FAM83F: variants seen among roughly 807,000 people sequenced by gnomAD.
FAM83F encodes protein FAM83F.
FAM83F carries 45 observed loss-of-function variants against 42.9 expected under a neutral mutation model. The ratio of observed to expected loss-of-function variants is 1.05; its 90% CI spans 0.83 to 1.35. The LOEUF (loss-of-function observed/expected upper bound fraction) is 1.35, where lower values mean the gene tolerates loss of function less well. Among genes scored for constraint, FAM83F ranks in the 40% most tolerant of loss-of-function variants. The pLI is 0.00. For missense variants in FAM83F, 617 were observed against 695.9 expected, an observed-to-expected ratio of 0.89 and a Z score of 1.28; for synonymous variants, 306 against 298.3, an observed-to-expected ratio of 1.03 and a Z score of -0.27.
rs962391508 is a variant in FAM83F, at chr22:40,041,284, G to A, written c.*11719G>A. 6.6e-6 allele frequency: 1 copy of A among 152,142 alleles called. No individual in the cohort carries two copies. The highest frequency in any genetic ancestry group is 2.4e-5 in the African/African-American group (1 of 41,424). The allele number at this position is 152,142 out of a possible 1,614,324, so 9.4% of individuals were successfully genotyped here. A position where few individuals can be genotyped will look rare whatever the true frequency, so the allele number is the denominator to read the frequency against. On this transcript the variant is annotated 3_prime_UTR_variant, in exon 5 of 5. Coordinates refer to ENST00000333407, the MANE Select transcript of FAM83F (RefSeq NM_138435.4). ...ACGAGTCTTTTTACTCTGAAAGCTG[G>A]GTGGGTTGGAACAAACAAACAGAAA...
rs138973979 is a variant in FAM83F, at chr22:40,021,600, G to A, written c.1090G>A (p.Gly364Ser). Reference protein sequence around the residue: ...NPEGQEEGASGGESAWRLESF... With the variant: ...NPEGQEEGASSGESAWRLESF... ...GGAGGGGCAGGAGGAGGGCGCCAGCGGTGGCGAGTCGGCCTGGCGCCTGGA... is the reference window on the plus strand; with the variant it reads ...GGAGGGGCAGGAGGAGGGCGCCAGCAGTGGCGAGTCGGCCTGGCGCCTGGA... The change falls in exon 4 of 5, where the codon GGT (glycine) becomes AGT (serine). Residue 364 changes from glycine (G) to serine (S), a missense_variant. Physicochemically the swap from Gly to Ser is moderately conservative, Grantham distance 56 (BLOSUM62 0). Transcript: ENST00000333407. The surrounding 1 kb of genome is among the most constrained non-coding windows in gnomAD (Gnocchi z 8.7). 8.2e-4 allele frequency: 1,293 copies of A among 1,580,060 alleles called. 2 individuals carry two copies. The highest frequency in any genetic ancestry group is 9.6e-4 in the Non-Finnish European group (1,108 of 1,158,034).
intron 4 of FAM83F, among the ~76,000 whole-genome samples, chr22:40,029,090 TG>T (rs2067572213): frequency 8.2e-6 from 1 of 121,308 alleles, no homozygotes; most frequent in Admixed American, 8.7e-5. Context: ...CGTGTGTGTG[TG>T]TGTGTGTGTG....
intron 4 of FAM83F, among the ~76,000 whole-genome samples, chr22:40,027,817 C>A (rs1048030144): frequency 2.0e-5 from 3 of 152,204 alleles, no homozygotes; most frequent in Non-Finnish European, 4.4e-5. Context: ...GGCAGCCAGC[C>A]GGGTGGTGTG....
rs1420071687 is a variant in FAM83F, at chr22:40,038,763, A to G, written c.*9198A>G. On this transcript the variant is annotated 3_prime_UTR_variant, in exon 5 of 5. Coordinates refer to ENST00000333407, the MANE Select transcript of FAM83F (RefSeq NM_138435.4). ...TAGGCAGCAGAAACCACATGGACAA[A>G]CTCTCTGCCGGAGAATGGGCATGGC... is the stretch of plus-strand genomic sequence containing the variant. 6.4e-6 allele frequency: 1 copy of G among 155,352 alleles called. No individual in the cohort carries two copies. The highest frequency in any genetic ancestry group is 1.4e-5 in the Non-Finnish European group (1 of 69,518). 9.6% of individuals were successfully genotyped at this position (155,352 alleles called of 1,614,324 possible).
intron 4 of FAM83F, among the ~76,000 whole-genome samples, chr22:40,028,003 G>A (rs1057302270): frequency 6.6e-6 from 1 of 152,250 alleles, no homozygotes; most frequent in Non-Finnish European, 1.5e-5. Flanking sequence ...ACCAGCTGAT[G>A]GGGGGAAATG....
intron 1 of FAM83F, among the ~76,000 whole-genome samples, chr22:40,012,586 A>C (rs1433345329): frequency 6.6e-6 from 1 of 151,674 alleles, no homozygotes; most frequent in Non-Finnish European, 1.5e-5. Context: ...CCTGGCCAAC[A>C]TGGTGAAACC....
intron 1 of FAM83F, among the ~76,000 whole-genome samples, chr22:40,010,292 TG>T (rs2067455932): frequency 1.3e-5 from 2 of 152,040 alleles, no homozygotes; most frequent in Admixed American, 6.5e-5. Context: ...ACGTGCTCAG[TG>T]AAAGACCCAA....
Position 40,039,650 on chromosome 22 carries a change from C to T in FAM83F, c.*10085C>T, listed in dbSNP as rs1431425627. On this transcript the variant is annotated 3_prime_UTR_variant, in exon 5 of 5. Coordinates refer to ENST00000333407, the MANE Select transcript of FAM83F (RefSeq NM_138435.4). ...AGCTTGCTGAGTCCTGCGAGCGTCG[C>T]ACGCCCCCAGAGACAACATAAGGAG... The T allele has an allele frequency of 1.3e-5, 2 of 152,200 alleles. No individual in the cohort carries two copies. The highest frequency in any genetic ancestry group is 1.9e-4 in the East Asian group (1 of 5,200). The allele number at this position is 152,200 out of a possible 1,614,324, so 9.4% of individuals were successfully genotyped here. A position where few individuals can be genotyped will look rare whatever the true frequency, so the allele number is the denominator to read the frequency against.
chr22:39,994,954 G>T lies in FAM83F; in HGVS notation c.-89G>T. ...GGCAGAGCTCGCGGCCAGGTGAGGC[G>T]CCCCGCCCCTCGGCGGCTCCAGGTG... On this transcript the variant is annotated 5_prime_UTR_variant, in exon 1 of 5. Coordinates refer to ENST00000333407, the MANE Select transcript of FAM83F (RefSeq NM_138435.4). The T allele has an allele frequency of 2.6e-6, 3 of 1,150,484 alleles. No individual in the cohort carries two copies. The South Asian group carries it at 1.3e-4, about 49-fold the overall frequency. The allele number at this position is 1,150,484 out of a possible 1,614,324, so 71.3% of individuals were successfully genotyped here.
intron 4 of FAM83F, among the ~76,000 whole-genome samples, chr22:40,025,317 G>A (rs1283254671): frequency 1.3e-5 from 2 of 152,144 alleles, no homozygotes; most frequent in Admixed American, 1.3e-4. Flanking sequence ...TACTTGGGAG[G>A]TGGAGGCAGG....
chr22:40,015,456 C>A (rs1410788901), intron 1 of FAM83F, among the ~76,000 whole-genome samples: 1 of 152,170 alleles, frequency 6.6e-6, no homozygotes, highest in African/African-American at 2.4e-5. Flanking sequence ...TGGCACGGTC[C>A]CTTTGTTTGT....
chr22:39,995,423 T>C lies in FAM83F; in HGVS notation c.381T>C (p.Gly127=), dbSNP rs1314111260. 3.2e-6 allele frequency: 5 copies of C among 1,551,814 alleles called. No homozygotes were observed. Among genetic ancestry groups the C allele is most frequent in the East Asian group, 2.4e-5 (1 of 41,004 alleles). The part of the protein sequence containing the change: ...PPLDLGWTDT[G]FYRGVSRVTL... Reference sequence around the variant, plus strand: ...TGGACCTGGGCTGGACGGACACTGGTTTCTACCGCGGCGTGAGCCGGGTCA... The same window carrying C: ...TGGACCTGGGCTGGACGGACACTGGCTTCTACCGCGGCGTGAGCCGGGTCA... The change falls in exon 1 of 5, where the codon GGT becomes GGC. Residue 127 remains glycine (G), a synonymous_variant. Coordinates refer to ENST00000333407, the MANE Select transcript of FAM83F (RefSeq NM_138435.4). The surrounding 1 kb of genome is among the most constrained non-coding windows in gnomAD (Gnocchi z 4.6).
Position 40,041,598 on chromosome 22 carries a change from A to G in FAM83F, c.*12033A>G, listed in dbSNP as rs2067650542. 1 of 152,144 alleles carries G rather than the reference A, an allele frequency of 6.6e-6. No individual in the cohort carries two copies. Among genetic ancestry groups the G allele is most frequent in the Non-Finnish European group, 1.5e-5 (1 of 68,026 alleles). 9.4% of individuals were successfully genotyped at this position (152,144 alleles called of 1,614,324 possible). A position where few individuals can be genotyped will look rare whatever the true frequency, so the allele number is the denominator to read the frequency against. ...TTGACAGATTGGCTTCCTTCCTATA[A>G]GTATAGAAAGCGAGGGCAGGTTCCA... On this transcript the variant is annotated 3_prime_UTR_variant, in exon 5 of 5. Coordinates refer to ENST00000333407, the MANE Select transcript of FAM83F (RefSeq NM_138435.4).
chr22:40,024,262 G>T (rs1163686218), intron 4 of FAM83F, among the ~76,000 whole-genome samples: 1 of 152,124 alleles, frequency 6.6e-6, no homozygotes, highest in African/African-American at 2.4e-5. Context: ...CTCCCAAAGC[G>T]CTGGGATTAT....
chr22:39,999,595 G>T (rs2067388204), intron 1 of FAM83F, among the ~76,000 whole-genome samples: 1 of 152,172 alleles, frequency 6.6e-6, no homozygotes, highest in Non-Finnish European at 1.5e-5. Flanking sequence ...AGCTCCAAAA[G>T]GGTGAAATGA....
chr22:40,004,258 C>G (rs946911533), intron 1 of FAM83F, among the ~76,000 whole-genome samples: 1 of 105,810 alleles, frequency 9.5e-6, no homozygotes, highest in African/African-American at 3.7e-5. Flanking sequence ...CAAATGCCAG[C>G]CCTTTTAGAA....
chr22:40,001,291 T>C (rs533319837), intron 1 of FAM83F, among the ~76,000 whole-genome samples: 2 of 152,304 alleles, frequency 1.3e-5, no homozygotes, highest in African/African-American at 2.4e-5. Context: ...CACCTCCCTC[T>C]CTAAAGCTCC....
Position 39,995,382 on chromosome 22 carries a change from A to G in FAM83F, c.340A>G (p.Thr114Ala). ...SLAYWPDRSDTEVPPLDLGWT... is the reference protein window; with the variant it reads ...SLAYWPDRSDAEVPPLDLGWT... ...GGCCTACTGGCCCGACCGTTCCGACACCGAGGTGCCTCCTCTGGACCTGGG... is the reference window on the plus strand; with the variant it reads ...GGCCTACTGGCCCGACCGTTCCGACGCCGAGGTGCCTCCTCTGGACCTGGG... The change falls in exon 1 of 5, where the codon ACC becomes GCC. Residue 114 changes from threonine to alanine, a missense_variant. By Grantham distance (58) the Thr-to-Ala change is moderately conservative. Transcript: ENST00000333407. The surrounding 1 kb of genome is among the most constrained non-coding windows in gnomAD (Gnocchi z 4.6). The G allele has an allele frequency of 1.3e-6, 2 of 1,546,832 alleles. No homozygotes were observed. Among genetic ancestry groups the G allele is most frequent in the Non-Finnish European group, 8.7e-7 (1 of 1,146,698 alleles).
chr22:40,019,486 C>T, intron 2 of FAM83F, 151 bp downstream of exon 2: 1 of 726,630 alleles, frequency 1.4e-6, no homozygotes, highest in Non-Finnish European at 2.2e-6. Context: ...AAAGTCAAGC[C>T]TTTAACCTTG....
Sources: allele counts gnomAD v4.1 joint callset (sites outside exome capture counted in the v4.1 genomes callset), GRCh38; gene constraint gnomAD v4.1.1; non-coding constraint Gnocchi (gnomAD v3.1); transcripts MANE v1.5; gene names NCBI Gene and HGNC (gene_info 2026-07-23, HGNC 2026-07-21).